ATP6V1H: variants seen among roughly 807,000 people sequenced by gnomAD.
The protein encoded by ATP6V1H is ATPase H+ transporting V1 subunit H, also known as V-type proton ATPase subunit H.
ATP6V1H carries 39 observed loss-of-function variants against 71.7 expected under a neutral mutation model. That is an observed-to-expected ratio of 0.54 (90% CI 0.42 to 0.71). The LOEUF is 0.71. ATP6V1H is among the 30% of genes least tolerant of loss of function. The pLI is 0.00. For synonymous variants in ATP6V1H, 192 were observed against 199.3 expected, an observed-to-expected ratio of 0.96 and a Z score of 0.31; for missense variants, 509 against 594.9, an observed-to-expected ratio of 0.86 and a Z score of 1.50.
At chr8:53,782,849 G>C (rs1042781204) in intron 9 of ATP6V1H, among the ~76,000 whole-genome samples, 1 of 152,174 alleles carries the variant, frequency 6.6e-6, no homozygotes, top group Non-Finnish European at 1.5e-5. Context: ...TACGTTTATT[G>C]ATTTTCGTAT....
intron 3 of ATP6V1H, among the ~76,000 whole-genome samples, chr8:53,829,770 T>C (rs1255041590): frequency 6.6e-6 from 1 of 152,250 alleles, no homozygotes; most frequent in Non-Finnish European, 1.5e-5. Flanking sequence ...TTTACTATTT[T>C]TAAATAGATA....
chr8:53,824,486 G>A lies in ATP6V1H; in HGVS notation c.306+4958C>T, dbSNP rs150559048. Among the ~76,000 whole-genome samples, 344 of 152,206 alleles carry A rather than the reference G, an allele frequency of 2.3e-3. 2 individuals carry two copies. Among genetic ancestry groups the A allele is most frequent in the African/African-American group, 7.9e-3 (327 of 41,542 alleles). Reference sequence around the variant, plus strand: ...GGCAAAAATCCTACATAACAGAAAAGAGAATTCAATATCATATCAAGAAAA... The same window carrying A: ...GGCAAAAATCCTACATAACAGAAAAAAGAATTCAATATCATATCAAGAAAA... On this transcript the variant is annotated intron_variant, in intron 4 of 13. Coordinates refer to ENST00000359530, the MANE Select transcript of ATP6V1H (RefSeq NM_015941.4).
At chr8:53,779,790 C>T (rs1017553370) in intron 9 of ATP6V1H, among the ~76,000 whole-genome samples, 3 of 152,042 alleles carry the variant, frequency 2.0e-5, no homozygotes, top group African/African-American at 7.3e-5. Flanking sequence ...AGAAACATAT[C>T]AAAGCTCTTT....
At chr8:53,828,417 T>A (rs1390309389) in intron 4 of ATP6V1H, among the ~76,000 whole-genome samples, 2 of 152,134 alleles carry the variant, frequency 1.3e-5, no homozygotes, top group African/African-American at 2.4e-5. Flanking sequence ...GATATGAGCA[T>A]ATGGACAGTA....
chr8:53,799,194 C>T (rs1041977433), intron 8 of ATP6V1H, among the ~76,000 whole-genome samples: 2 of 152,026 alleles, frequency 1.3e-5, no homozygotes, highest in African/African-American at 4.8e-5. Flanking sequence ...TTCTACTGGA[C>T]TCTTTTATAA....
intron 11 of ATP6V1H, among the ~76,000 whole-genome samples, chr8:53,768,964 A>G (rs1331273996): frequency 6.6e-6 from 1 of 152,204 alleles, no homozygotes; most frequent in Non-Finnish European, 1.5e-5. Context: ...ACCTACACAT[A>G]TTAGTCATCT....
intron 4 of ATP6V1H, among the ~76,000 whole-genome samples, chr8:53,825,873 T>TA (rs976645584): frequency 1.3e-5 from 2 of 151,946 alleles, no homozygotes; most frequent in East Asian, 3.8e-4. Flanking sequence ...AAATCTAGAT[T>TA]AAAAAAATTT....
At chr8:53,778,507 C>A (rs1238323395) in intron 9 of ATP6V1H, among the ~76,000 whole-genome samples, 1 of 152,254 alleles carries the variant, frequency 6.6e-6, no homozygotes, top group South Asian at 2.1e-4. Flanking sequence ...CCCTTCTCAG[C>A]CTCTGACAAC....
At position 53,738,661 on chromosome 8, in the gene ATP6V1H, T is replaced by C. The variant is rs560088096; in HGVS notation, c.1391+4916A>G. On this transcript the variant is annotated intron_variant, in intron 13 of 13. Transcript: ENST00000359530. ...TAAAGTCCACAGACTACATTATCCA[T>C]CAGGGGTTTTCTTTACTGTCAAAAT... Among the ~76,000 whole-genome samples, 11 of 152,338 alleles carry C rather than the reference T, an allele frequency of 7.2e-5. No individual in the cohort carries two copies. In the East Asian group the frequency reaches 7.7e-4, roughly 11 times the overall value.
At chr8:53,769,035 G>A (rs1231845768) in intron 11 of ATP6V1H, among the ~76,000 whole-genome samples, 3 of 152,098 alleles carry the variant, frequency 2.0e-5, no homozygotes, top group Non-Finnish European at 4.4e-5. Flanking sequence ...AATGGGGCTG[G>A]TTCAATTAGA....
chr8:53,801,875 C>A lies in ATP6V1H; in HGVS notation c.601G>T (p.Val201Leu). ...AGCATCAGCTGCAAACACCCGGCCA[C>A]GCACTGCACATACTGCGAACTCTGC... ...SSDSSQYVQC[V>L]AGCLQLMLRV... is the part of the protein sequence containing the mutation. The change falls in exon 8 of 14, where the codon GTG becomes TTG. Residue 201 changes from valine (V) to leucine (L), a missense_variant. This residue lies in a region of ATP6V1H where 297 missense variants were observed against 303.3 expected (regional missense o/e 0.98). Coordinates refer to ENST00000359530, the MANE Select transcript of ATP6V1H (RefSeq NM_015941.4). 6.2e-7 allele frequency: 1 copy of A among 1,613,842 alleles called. No homozygotes were observed. The highest frequency in any genetic ancestry group is 1.1e-5 in the South Asian group (1 of 91,056).
intron 7 of ATP6V1H, among the ~76,000 whole-genome samples, chr8:53,810,517 G>A (rs779205992): frequency 2.0e-5 from 3 of 152,114 alleles, no homozygotes; most frequent in South Asian, 2.1e-4. Flanking sequence ...CAAGGCAGGC[G>A]GATCACGAGG....
chr8:53,819,740 AGTGT>A lies in ATP6V1H; in HGVS notation c.307-2214_307-2211del, dbSNP rs199577146. 7.0e-3 allele frequency among the ~76,000 whole-genome samples: 1,011 copies of A among 143,452 alleles called. 3 individuals carry two copies. Among genetic ancestry groups the A allele is most frequent in the South Asian group, 0.014 (64 of 4,576 alleles). The allele number at this position is 143,452 out of a possible 152,430, so 94.1% of individuals were successfully genotyped here. On this transcript the variant is annotated intron_variant, in intron 4 of 13. Transcript: ENST00000359530. ...TATACTTTGTATATATATAGTATAT[AGTGT>A]GTGTATATATACACACATTTGTATA...
intron 12 of ATP6V1H, among the ~76,000 whole-genome samples, chr8:53,748,015 G>A (rs527261127): frequency 3.0e-4 from 46 of 152,134 alleles, no homozygotes; most frequent in African/African-American, 1.1e-3. Context: ...AAAATTAGCT[G>A]GGTGTGGTGG....
At chr8:53,801,128 CTACACTGGAGA>C (rs1268557891) in intron 8 of ATP6V1H, among the ~76,000 whole-genome samples, 3 of 152,168 alleles carry the variant, frequency 2.0e-5, no homozygotes, top group Non-Finnish European at 4.4e-5. Context: ...CAGGTATATC[CTACACTGGAGA>C]TACAGGGTAA....
chr8:53,737,012 C>T (rs1223021529), intron 13 of ATP6V1H, among the ~76,000 whole-genome samples: 1 of 152,240 alleles, frequency 6.6e-6, no homozygotes, highest in Non-Finnish European at 1.5e-5. Context: ...ATTACTGATG[C>T]ATGCAGCCCC....
chr8:53,827,928 C>A (rs1366743617), intron 4 of ATP6V1H, among the ~76,000 whole-genome samples: 1 of 152,192 alleles, frequency 6.6e-6, no homozygotes. Context: ...CATGTTCCTG[C>A]AAAGGACATG....
At chr8:53,767,177 G>T (rs1029158071) in intron 11 of ATP6V1H, among the ~76,000 whole-genome samples, 1 of 152,110 alleles carries the variant, frequency 6.6e-6, no homozygotes, top group Non-Finnish European at 1.5e-5. Flanking sequence ...TGATTTTCGG[G>T]GCAGGTTCCC....
intron 9 of ATP6V1H, among the ~76,000 whole-genome samples, chr8:53,785,867 A>G (rs998546936): frequency 6.6e-6 from 1 of 152,154 alleles, no homozygotes; most frequent in Non-Finnish European, 1.5e-5. Flanking sequence ...TTCGTGAACC[A>G]CAAATGCTGC....
Sources: allele counts gnomAD v4.1 joint callset (sites outside exome capture counted in the v4.1 genomes callset), GRCh38; gene constraint gnomAD v4.1.1; regional missense constraint gnomAD v4.1.1; transcripts MANE v1.5; gene names NCBI Gene and HGNC (gene_info 2026-07-23, HGNC 2026-07-21).